ENPP6: variants seen among roughly 807,000 people sequenced by gnomAD.
ENPP6 encodes glycerophosphocholine cholinephosphodiesterase ENPP6.
ENPP6 carries 32 observed loss-of-function variants against 42.0 expected under a neutral mutation model. That is an observed-to-expected ratio of 0.76 (90% CI 0.58 to 1.02). ENPP6 has a LOEUF of 1.02. Ranked by LOEUF, ENPP6 falls within the 50% of genes least tolerant of loss-of-function variation. The probability of loss-of-function intolerance (pLI) is 0.00; values close to 1 mark genes in which losing one functional copy is unlikely to be tolerated. For missense variants in ENPP6, 552 were observed against 566.8 expected (o/e 0.97, Z 0.27); for synonymous variants, 213 against 216.0 (o/e 0.99, Z 0.12).
chr4:184,095,251 G>T (rs988749976), intron 7 of ENPP6, among the ~76,000 whole-genome samples: 4 of 152,190 alleles, frequency 2.6e-5, no homozygotes, highest in African/African-American at 9.7e-5. Context: ...TGTGATGGAG[G>T]CCTCTGTTAA....
At chr4:184,119,939 C>A (rs1489262672) in intron 3 of ENPP6, among the ~76,000 whole-genome samples, 1 of 152,214 alleles carries the variant, frequency 6.6e-6, no homozygotes, top group East Asian at 1.9e-4. Flanking sequence ...TCAATTAAAT[C>A]TCTTCCCTTT....
intron 5 of ENPP6, 21 bp downstream of exon 5, chr4:184,116,835 C>A (rs759313981): frequency 6.2e-6 from 10 of 1,611,444 alleles, no homozygotes; most frequent in Non-Finnish European, 6.8e-6. Context: ...CCCTCCTCCG[C>A]CCCCCACGGG....
In ENPP6 at chr4:184,127,617, C is replaced by T. The variant is rs143451088; in HGVS notation, c.422-3345G>A. Among the ~76,000 whole-genome samples, 616 of 152,204 alleles carry T rather than the reference C, an allele frequency of 4.0e-3. 8 individuals are homozygous for T. The highest frequency in any genetic ancestry group is 0.013 in the African/African-American group (553 of 41,514). On this transcript the variant is annotated intron_variant, in intron 2 of 7. Coordinates refer to ENST00000296741, the MANE Select transcript of ENPP6 (RefSeq NM_153343.4). ...TACCAAAAATATAAAACTAGCCAGG[C>T]GTAGTGCTGTGTGCCTGTATTCCCA...
chr4:184,146,429 C>CA lies in ENPP6; in HGVS notation c.421+7124dup, dbSNP rs751645083. Among the ~76,000 whole-genome samples the CA allele has an allele frequency of 2.5e-3, 334 of 136,034 alleles. 1 individual carries two copies. Among genetic ancestry groups the CA allele is most frequent in the East Asian group, 0.022 (103 of 4,736 alleles). 89.2% of individuals were successfully genotyped at this position (136,034 alleles called of 152,430 possible). A position where few individuals can be genotyped will look rare whatever the true frequency, so the allele number is the denominator to read the frequency against. ...TGGGCTCCAGAGCGAGACTCCGTTT[C>CA]AAAAAAAAAAAAGAAAGAAAGAAAG... On this transcript the variant is annotated intron_variant, in intron 2 of 7. Coordinates refer to ENST00000296741, the MANE Select transcript of ENPP6 (RefSeq NM_153343.4).
chr4:184,143,227 C>T (rs889417668), intron 2 of ENPP6, among the ~76,000 whole-genome samples: 7 of 152,234 alleles, frequency 4.6e-5, no homozygotes, highest in Non-Finnish European at 1.5e-5. Context: ...GAACCTCTTG[C>T]CCCTGTCTAG....
At chr4:184,146,882 T>A (rs1383363200) in intron 2 of ENPP6, among the ~76,000 whole-genome samples, 4 of 152,180 alleles carry the variant, frequency 2.6e-5, no homozygotes, top group Non-Finnish European at 2.9e-5. Flanking sequence ...CTCCATCTGG[T>A]TACTAACAAT....
intron 7 of ENPP6, among the ~76,000 whole-genome samples, chr4:184,094,538 C>T (rs1735864063): frequency 6.6e-6 from 1 of 152,262 alleles, no homozygotes; most frequent in African/African-American, 2.4e-5. Flanking sequence ...TAGAAAATTC[C>T]TGAAGAGCAA....
chr4:184,173,211 G>A (rs577231327), intron 1 of ENPP6, among the ~76,000 whole-genome samples: 1 of 152,184 alleles, frequency 6.6e-6, no homozygotes, highest in South Asian at 2.1e-4. Context: ...GGCCTATCGA[G>A]GGTTTTAAAA....
At chr4:184,100,440 C>T (rs1272315481) in intron 6 of ENPP6, among the ~76,000 whole-genome samples, 1 of 152,226 alleles carries the variant, frequency 6.6e-6, no homozygotes, top group Non-Finnish European at 1.5e-5. Context: ...CTGACCCCAT[C>T]CAGCCACTGC....
At chr4:184,109,371 T>A (rs1186401467) in intron 6 of ENPP6, among the ~76,000 whole-genome samples, 1 of 152,196 alleles carries the variant, frequency 6.6e-6, no homozygotes, top group African/African-American at 2.4e-5. Flanking sequence ...CTGACTAAAA[T>A]TTAAACAGAC....
chr4:184,166,234 T>C (rs547622146), intron 1 of ENPP6, among the ~76,000 whole-genome samples: 6 of 152,330 alleles, frequency 3.9e-5, no homozygotes, highest in East Asian at 1.9e-4. Context: ...CCAGACACAG[T>C]CATCGTTAGA....
In ENPP6 at chr4:184,090,745, T is replaced by C. The variant is rs17075291; in HGVS notation, c.*432A>G. 0.01 allele frequency: 3,477 copies of C among 334,944 alleles called. 65 individuals are homozygous for C. The highest frequency in any genetic ancestry group is 0.04 in the African/African-American group (1,914 of 47,440). 20.7% of individuals were successfully genotyped at this position (334,944 alleles called of 1,614,324 possible). ...AGTACAGGATTGTGGCCACAGACAC[T>C]GAGGATGGCTCCTGGGTGTGGACAG... On this transcript the variant is annotated 3_prime_UTR_variant, in exon 8 of 8. Coordinates refer to ENST00000296741, the MANE Select transcript of ENPP6 (RefSeq NM_153343.4).
chr4:184,097,300 G>A lies in ENPP6; in HGVS notation c.1062C>T (p.His354=), dbSNP rs375839295. The A allele has an allele frequency of 3.7e-6, 6 of 1,614,076 alleles. No homozygotes were observed. Among genetic ancestry groups the A allele is most frequent in the African/African-American group, 2.7e-5 (2 of 74,916 alleles). Reference sequence around the variant, plus strand: ...TGTCCATGAGCTCGTTGTCGTAGCCGTGCCATCCACGCTGCCAACCTTCCC... The same window carrying A: ...TGTCCATGAGCTCGTTGTCGTAGCCATGCCATCCACGCTGCCAACCTTCCC... The part of the protein sequence containing the change: ...GRREGWQRGW[H]GYDNELMDMR... The change falls in exon 7 of 8, where the codon CAC becomes CAT. Residue 354 remains histidine, a synonymous_variant. Coordinates refer to ENST00000296741, the MANE Select transcript of ENPP6 (RefSeq NM_153343.4).
intron 1 of ENPP6, among the ~76,000 whole-genome samples, chr4:184,165,983 A>G (rs188917200): frequency 2.0e-5 from 3 of 152,258 alleles, no homozygotes; most frequent in Non-Finnish European, 4.4e-5. Context: ...GAACTTTCAT[A>G]TAACTACTTT....
intron 2 of ENPP6, among the ~76,000 whole-genome samples, 179 bp from the exon 3 acceptor site, chr4:184,124,451 C>A (rs1323613847): frequency 6.6e-6 from 1 of 152,130 alleles, no homozygotes; most frequent in Non-Finnish European, 1.5e-5. Flanking sequence ...TTTGCATAAC[C>A]AGAGCAGAGG....
At chr4:184,107,594 G>A (rs577738196) in intron 6 of ENPP6, among the ~76,000 whole-genome samples, 1 of 152,246 alleles carries the variant, frequency 6.6e-6, no homozygotes, top group Admixed American at 6.5e-5. Context: ...GGCCAATATG[G>A]TGAAACCCCG....
intron 1 of ENPP6, among the ~76,000 whole-genome samples, chr4:184,198,556 T>G (rs1732841052): frequency 6.6e-6 from 1 of 152,236 alleles, no homozygotes; most frequent in South Asian, 2.1e-4. Context: ...GAGCCCTGGC[T>G]GGTCACCGTT....
chr4:184,131,059 G>A (rs552663952), intron 2 of ENPP6, among the ~76,000 whole-genome samples: 60 of 152,148 alleles, frequency 3.9e-4, no homozygotes, highest in African/African-American at 1.3e-3. Context: ...CTCGATTTGG[G>A]GAACGTATAC....
intron 1 of ENPP6, among the ~76,000 whole-genome samples, chr4:184,211,190 G>A (rs1452543730): frequency 6.6e-6 from 1 of 151,490 alleles, no homozygotes; most frequent in African/African-American, 2.4e-5. Flanking sequence ...AGAAAAGCAA[G>A]AGCAAACACA....
Sources: allele counts gnomAD v4.1 joint callset (sites outside exome capture counted in the v4.1 genomes callset), GRCh38; gene constraint gnomAD v4.1.1; transcripts MANE v1.5; gene names NCBI Gene and HGNC (gene_info 2026-07-23, HGNC 2026-07-21).